Variants in PKIB observed in about 807,000 individuals in gnomAD.
PKIB encodes PKI-beta.
In PKIB, 2 loss-of-function variants were observed where a neutral mutation model predicts 4.5. The observed-to-expected ratio is 0.44, with a 90% CI of 0.18 to 1.39. PKIB has a LOEUF of 1.39. Ranked by LOEUF, PKIB falls within the 40% of genes most tolerant of loss-of-function variation. The pLI is 0.27. For synonymous variants in PKIB, 38 were observed against 36.0 expected (o/e 1.06, Z -0.20); for missense variants, 94 against 92.6 (o/e 1.02, Z -0.06).
At chr6:122,660,285 G>A (rs1006750155) in intron 2 of PKIB, among the ~76,000 whole-genome samples, 1 of 152,080 alleles carries the variant, frequency 6.6e-6, no homozygotes, top group Non-Finnish European at 1.5e-5. Flanking sequence ...ATGATATGTT[G>A]GAAGAAACAC....
At chr6:122,559,231 A>G (rs1374304724) in intron 2 of PKIB, among the ~76,000 whole-genome samples, 1 of 151,946 alleles carries the variant, frequency 6.6e-6, no homozygotes, top group Non-Finnish European at 1.5e-5. Context: ...AATTCTCAAA[A>G]GAAGATATAC....
intron 2 of PKIB, among the ~76,000 whole-genome samples, chr6:122,662,267 A>G (rs1157304486): frequency 7.5e-6 from 1 of 133,896 alleles, no homozygotes; most frequent in Non-Finnish European, 1.6e-5. Flanking sequence ...GATTGCCTAA[A>G]CCAAGGTCTC....
rs1252180326 is a variant in PKIB, at chr6:122,717,921, T to G, written c.127T>G (p.Ser43Ala). The G allele has an allele frequency of 6.2e-7, 1 of 1,613,960 alleles. No homozygotes were observed. The highest frequency in any genetic ancestry group is 8.5e-7 in the Non-Finnish European group (1 of 1,179,862). The change falls in exon 4 of 5, where the codon TCA becomes GCA. Residue 43 changes from serine to alanine, a missense_variant. Transcript: ENST00000368452. ...GAGTTCAGCTGCCACAGACGGAACC[T>G]CAGATTTGCCCCTCAAACTGGAGGC... ...IQSSAATDGT[S>A]DLPLKLEALS...
At chr6:122,578,659 G>A (rs910263183) in intron 2 of PKIB, among the ~76,000 whole-genome samples, 1 of 152,274 alleles carries the variant, frequency 6.6e-6, no homozygotes, top group Middle Eastern at 3.4e-3. Context: ...CACAGAGCCT[G>A]TCTCACATTG....
At chr6:122,499,398 G>A (rs905975685) in intron 2 of PKIB, among the ~76,000 whole-genome samples, 2 of 152,152 alleles carry the variant, frequency 1.3e-5, no homozygotes, top group African/African-American at 4.8e-5. Flanking sequence ...GTCAGGGTTG[G>A]TTGAATGTAT....
intron 2 of PKIB, among the ~76,000 whole-genome samples, chr6:122,506,264 T>C (rs1776392861): frequency 6.6e-6 from 1 of 152,196 alleles, no homozygotes; most frequent in Admixed American, 6.5e-5. Context: ...AGGTCGAATA[T>C]TAATATTTTC....
intron 2 of PKIB, among the ~76,000 whole-genome samples, chr6:122,502,080 G>A (rs1363985500): frequency 1.3e-5 from 2 of 151,858 alleles, no homozygotes; most frequent in East Asian, 3.9e-4. Context: ...AGCCTCCCAA[G>A]TAGCTGGGAT....
At chr6:122,678,416 A>G (rs926103427) in intron 3 of PKIB, among the ~76,000 whole-genome samples, 7 of 152,334 alleles carry the variant, frequency 4.6e-5, no homozygotes, top group African/African-American at 1.7e-4. Context: ...TATGTTAGCC[A>G]GAGCCAGGCC....
rs140433385 is a variant in PKIB at position 122,705,767 on chromosome 6, A to G, written c.-8-12020A>G. 3.1e-3 allele frequency among the ~76,000 whole-genome samples: 466 copies of G among 152,064 alleles called. 3 individuals carry two copies. Among genetic ancestry groups the G allele is most frequent in the African/African-American group, 0.011 (438 of 41,502 alleles). On this transcript the variant is annotated intron_variant, in intron 3 of 4. Transcript: ENST00000368452. ...TTTTTAGTAGACATGGGGTTTCACCATGTTGGCCAGGATGGTCTCGATCTC... is the reference window on the plus strand; with the variant it reads ...TTTTTAGTAGACATGGGGTTTCACCGTGTTGGCCAGGATGGTCTCGATCTC...
At chr6:122,701,313 G>T in intron 3 of PKIB, 1 of 713,300 alleles carries the variant, frequency 1.4e-6, no homozygotes, top group Non-Finnish European at 2.3e-6. Context: ...TGTCTGTATT[G>T]CTGCTCCAAG....
At chr6:122,712,979 T>C (rs1461672564) in intron 3 of PKIB, among the ~76,000 whole-genome samples, 2 of 152,190 alleles carry the variant, frequency 1.3e-5, no homozygotes, top group African/African-American at 2.4e-5. Flanking sequence ...GATTTTTTAA[T>C]AGCCTTTAGT....
intron 2 of PKIB, chr6:122,643,467 A>G (rs1469954477): frequency 2.0e-5 from 3 of 152,242 alleles, no homozygotes; most frequent in Admixed American, 2.0e-4. Flanking sequence ...GGAAATAAAA[A>G]TGTAATTGCT....
intron 2 of PKIB, among the ~76,000 whole-genome samples, chr6:122,645,321 AATGACGGCATGGTCTCCAGTGTGAAAG>A: frequency 6.6e-6 from 1 of 152,166 alleles, no homozygotes; most frequent in Non-Finnish European, 1.5e-5. Context: ...TTTGTTTTTT[AATGACGGCATGGTCTCCAGTGTGAAAG>A]AGGCCATTGG....
In PKIB at chr6:122,507,549, AT is replaced by A. The variant is rs1302507472; in HGVS notation, c.-248+29613del. On this transcript the variant is annotated intron_variant, in intron 2 of 6. Coordinates refer to the PKIB transcript ENST00000392491. ...TTTTGTAAGTTGGGTCCATCATTTG[AT>A]TTGTTTTCAAGCTGGTGGGCTCATT... Among the ~76,000 whole-genome samples, 7 of 140,668 alleles carry A rather than the reference AT, an allele frequency of 5.0e-5. No individual in the cohort carries two copies. In the Admixed American group the frequency reaches 5.1e-4, roughly 10 times the overall value. The allele number at this position is 140,668 out of a possible 152,430, so 92.3% of individuals were successfully genotyped here.
chr6:122,474,599 T>C (rs1413385401), intron 1 of PKIB, among the ~76,000 whole-genome samples: 1 of 152,260 alleles, frequency 6.6e-6, no homozygotes, highest in Non-Finnish European at 1.5e-5. Flanking sequence ...ATGAATGCTC[T>C]GTGTTGTCAA....
chr6:122,719,316 G>A (rs1192472243), intron 4 of PKIB, among the ~76,000 whole-genome samples: 1 of 152,098 alleles, frequency 6.6e-6, no homozygotes, highest in East Asian at 1.9e-4. Flanking sequence ...ATATGTTCCT[G>A]TTTTTATATT....
At chr6:122,551,362 A>G (rs997496289) in intron 2 of PKIB, among the ~76,000 whole-genome samples, 2 of 151,482 alleles carry the variant, frequency 1.3e-5, no homozygotes, top group Non-Finnish European at 1.5e-5. Context: ...ATTATCTTTC[A>G]TCAGTACTAT....
chr6:122,714,530 A>G (rs1779401908), intron 3 of PKIB, among the ~76,000 whole-genome samples: 2 of 152,226 alleles, frequency 1.3e-5, no homozygotes, highest in African/African-American at 4.8e-5. Flanking sequence ...GGCAAAAGGA[A>G]AAACTTCCAA....
intron 1 of PKIB, among the ~76,000 whole-genome samples, chr6:122,627,985 A>T (rs977535749): frequency 4.6e-5 from 7 of 152,104 alleles, no homozygotes; most frequent in African/African-American, 1.7e-4. Context: ...TGGGATTAAC[A>T]TATATACTTT....
Sources: gnomAD v4.1 joint callset for allele counts (sites outside exome capture counted in the v4.1 genomes callset) on GRCh38, gnomAD v4.1.1 for gene constraint, MANE v1.5 for transcripts, NCBI Gene and HGNC (gene_info 2026-07-23, HGNC 2026-07-21) for gene names.